LRMDA: variants seen among roughly 807,000 people sequenced by gnomAD.
The protein encoded by LRMDA is leucine-rich melanocyte differentiation-associated protein.
LRMDA carries 18 observed loss-of-function variants against 29.8 expected under a neutral mutation model. The ratio of observed to expected loss-of-function variants is 0.60; its 90% CI spans 0.42 to 0.90. The LOEUF (loss-of-function observed/expected upper bound fraction) is 0.90, where lower values mean the gene tolerates loss of function less well. Ranked by LOEUF, LRMDA falls within the 40% of genes least tolerant of loss-of-function variation. The pLI, the probability that LRMDA is intolerant of heterozygous loss-of-function variation, is 0.00. For synonymous variants in LRMDA, 125 were observed against 109.4 expected (o/e 1.14, Z -0.89); for missense variants, 273 against 273.9 (o/e 1.00, Z 0.02).
At chr10:76,283,490 T>C (rs1483751321) in intron 5 of LRMDA, among the ~76,000 whole-genome samples, 1 of 152,158 alleles carries the variant, frequency 6.6e-6, no homozygotes, top group Non-Finnish European at 1.5e-5. Flanking sequence ...ATTTCAGTGA[T>C]CTGTACTGAA....
intron 6 of LRMDA, among the ~76,000 whole-genome samples, chr10:76,484,304 G>T (rs1842760889): frequency 6.6e-6 from 1 of 151,086 alleles, no homozygotes; most frequent in Admixed American, 6.6e-5. Flanking sequence ...TTATTTAGAA[G>T]TTCTTTGCCT....
At chr10:76,203,400 C>T (rs1009838767) in intron 5 of LRMDA, among the ~76,000 whole-genome samples, 8 of 152,218 alleles carry the variant, frequency 5.3e-5, no homozygotes, top group Non-Finnish European at 1.0e-4. Flanking sequence ...CCTTGGTCTC[C>T]CGAAGTGCTA....
chr10:76,318,938 CT>C (rs1408833636), intron 5 of LRMDA: 1 of 152,332 alleles, frequency 6.6e-6, no homozygotes, highest in East Asian at 1.9e-4. Flanking sequence ...GAGACAGAGT[CT>C]GGCTCTGTCG....
intron 2 of LRMDA, among the ~76,000 whole-genome samples, chr10:75,501,676 A>G (rs1405769022): frequency 6.6e-6 from 1 of 152,244 alleles, no homozygotes; most frequent in African/African-American, 2.4e-5. Flanking sequence ...AAGAGGGTAT[A>G]TCTGCACTAC....
intron 5 of LRMDA, among the ~76,000 whole-genome samples, chr10:76,228,104 G>A (rs138558254): frequency 0.01 from 1,545 of 150,874 alleles, 26 homozygotes; most frequent in African/African-American, 0.032. Flanking sequence ...TCACTGCAAC[G>A]TCCGCCTCCC....
At chr10:75,913,076 G>C (rs1163193675) in intron 2 of LRMDA, among the ~76,000 whole-genome samples, 1 of 152,012 alleles carries the variant, frequency 6.6e-6, no homozygotes, top group Admixed American at 6.5e-5. Flanking sequence ...GGCCTTTCTG[G>C]GTCCCTTCCC....
intron 2 of LRMDA, among the ~76,000 whole-genome samples, chr10:75,479,505 T>TA (rs11359674): frequency 1.5e-4 from 20 of 131,382 alleles, no homozygotes; most frequent in East Asian, 4.4e-4. Context: ...AGACTCTGTC[T>TA]AAAAAAAAAA....
intron 2 of LRMDA, among the ~76,000 whole-genome samples, chr10:75,990,128 C>A (rs1024765835): frequency 6.6e-6 from 1 of 152,168 alleles, no homozygotes; most frequent in African/African-American, 2.4e-5. Context: ...TAGAAAGGCT[C>A]TGTAGGGCTA....
chr10:75,477,078 A>C (rs1844804089), intron 2 of LRMDA, among the ~76,000 whole-genome samples: 1 of 149,974 alleles, frequency 6.7e-6, no homozygotes, highest in African/African-American at 2.5e-5. Flanking sequence ...GCTGCCTTGA[A>C]CTCTTGGGCC....
intron 6 of LRMDA, among the ~76,000 whole-genome samples, chr10:76,398,372 TA>T (rs780188605): frequency 6.6e-6 from 1 of 152,128 alleles, no homozygotes. Context: ...AACCAAGCCA[TA>T]ACCAATTCCA....
intron 5 of LRMDA, among the ~76,000 whole-genome samples, chr10:76,265,575 C>T (rs1395184237): frequency 6.6e-6 from 1 of 152,156 alleles, no homozygotes; most frequent in African/African-American, 2.4e-5. Context: ...ATGTCTATAA[C>T]AAGCACAGGC....
chr10:75,969,779 C>T (rs1428726058), intron 2 of LRMDA, among the ~76,000 whole-genome samples: 1 of 152,142 alleles, frequency 6.6e-6, no homozygotes, highest in Non-Finnish European at 1.5e-5. Context: ...GACATTATTT[C>T]TTGAGGAAAT....
intron 2 of LRMDA, among the ~76,000 whole-genome samples, chr10:75,863,419 G>A (rs187406710): frequency 2.1e-4 from 32 of 152,244 alleles, no homozygotes; most frequent in African/African-American, 7.7e-4. Flanking sequence ...GAGAATTTGG[G>A]GATGATCTGG....
chr10:76,083,216 T>C (rs1211277004), intron 5 of LRMDA, among the ~76,000 whole-genome samples: 4 of 152,182 alleles, frequency 2.6e-5, no homozygotes, highest in African/African-American at 9.7e-5. Context: ...GCCCCTGCTG[T>C]GAACCACTTC....
intron 2 of LRMDA, among the ~76,000 whole-genome samples, chr10:75,468,418 A>G (rs959796976): frequency 4.6e-5 from 7 of 152,090 alleles, no homozygotes; most frequent in Non-Finnish European, 1.0e-4. Context: ...CAGCTATAGT[A>G]TCTAATCACA....
intron 5 of LRMDA, among the ~76,000 whole-genome samples, chr10:76,189,434 G>A (rs1851207036): frequency 6.6e-6 from 1 of 152,132 alleles, no homozygotes; most frequent in African/African-American, 2.4e-5. Context: ...GTACTGCACA[G>A]CATCACAAAT....
chr10:75,995,984 G>T (rs1028742704), intron 2 of LRMDA, among the ~76,000 whole-genome samples: 1 of 152,168 alleles, frequency 6.6e-6, no homozygotes, highest in South Asian at 2.1e-4. Flanking sequence ...CAGACTCAAT[G>T]AATGTGCTTT....
At chr10:76,351,203 C>T (rs1241287233) in intron 6 of LRMDA, among the ~76,000 whole-genome samples, 1 of 152,108 alleles carries the variant, frequency 6.6e-6, no homozygotes, top group Non-Finnish European at 1.5e-5. Flanking sequence ...GGATGCAGCT[C>T]CACGCATTGA....
At chr10:76,146,865 A>T (rs4517451) in intron 5 of LRMDA, among the ~76,000 whole-genome samples, 105,668 of 152,046 alleles carry the variant, frequency 0.69, 37,330 homozygotes, top group East Asian at 0.85. Context: ...TCAGGAGCTC[A>T]TTTAGGGCAG....
Sources: allele counts gnomAD v4.1 joint callset (sites outside exome capture counted in the v4.1 genomes callset), GRCh38; gene constraint gnomAD v4.1.1; transcripts MANE v1.5; gene names NCBI Gene and HGNC (gene_info 2026-07-23, HGNC 2026-07-21).